Variants in FLACC1 observed in about 807,000 individuals in gnomAD.
FLACC1 encodes the protein flagellum-associated coiled-coil domain-containing protein 1.
In FLACC1, 66 loss-of-function variants were observed where a neutral mutation model predicts 62.8. That is an observed-to-expected ratio of 1.05 (90% CI 0.86 to 1.29). The LOEUF is 1.29. FLACC1 is among the 50% of genes most tolerant of loss of function. The pLI is 0.00. For missense variants in FLACC1, 452 were observed against 489.1 expected (o/e 0.92, Z 0.71); for synonymous variants, 156 against 161.0 (o/e 0.97, Z 0.24).
the FLACC1 span, among the ~76,000 whole-genome samples, chr2:201,363,934 G>A: frequency 6.6e-6 from 1 of 152,158 alleles, no homozygotes; most frequent in Non-Finnish European, 1.5e-5. Context: ...TGCCATCAGG[G>A]GACCTGTAGT....
At chr2:201,296,216 T>G (rs927553151) in intron 12 of FLACC1, among the ~76,000 whole-genome samples, 6 of 152,114 alleles carry the variant, frequency 3.9e-5, no homozygotes, top group African/African-American at 1.2e-4. Context: ...TGCACACGTA[T>G]GTTTATTGCG....
intron 10 of FLACC1, among the ~76,000 whole-genome samples, chr2:201,307,999 C>T (rs1184565354): frequency 6.6e-6 from 1 of 152,196 alleles, no homozygotes; most frequent in Admixed American, 6.5e-5. Context: ...AAAATTCATC[C>T]TGTACTTAGT....
At chr2:201,336,050 GT>G (rs1405798582) in intron 7 of FLACC1, among the ~76,000 whole-genome samples, 1 of 151,846 alleles carries the variant, frequency 6.6e-6, no homozygotes, top group African/African-American at 2.4e-5. Context: ...GTATATATTT[GT>G]TGCATAGGTA....
intron 12 of FLACC1, among the ~76,000 whole-genome samples, chr2:201,294,734 C>T (rs12616696): frequency 0.091 from 13,901 of 152,214 alleles, 975 homozygotes; most frequent in South Asian, 0.26. Context: ...GTCAAATTGT[C>T]CCTGTTTGCA....
intron 12 of FLACC1, among the ~76,000 whole-genome samples, chr2:201,297,779 A>G (rs867013533): frequency 1.3e-5 from 2 of 152,202 alleles, no homozygotes; most frequent in East Asian, 1.9e-4. Flanking sequence ...ATTTTCCCAA[A>G]TGATACTCTC....
At position 201,288,653 on chromosome 2, in the gene FLACC1, G is replaced by A. The variant is rs111462179; in HGVS notation, c.*2C>T. ...CTTCAACAATGCAGAGCAACTTTTT[G>A]TTTATGATTCTTGTCCTTTCTTGCT... On this transcript the variant is annotated 3_prime_UTR_variant, in exon 15 of 15. Coordinates refer to ENST00000392257, the MANE Select transcript of FLACC1 (RefSeq NM_001127391.3). 11,037 of 1,612,968 alleles carry A rather than the reference G, an allele frequency of 6.8e-3. 46 individuals are homozygous for A. Among genetic ancestry groups the A allele is most frequent in the Non-Finnish European group, 8.4e-3 (9,946 of 1,179,534 alleles).
chr2:201,292,550 G>A (rs997556876), intron 12 of FLACC1, among the ~76,000 whole-genome samples: 4 of 152,244 alleles, frequency 2.6e-5, no homozygotes, highest in South Asian at 2.1e-4. Context: ...AGGAACAACC[G>A]GTACCAGCCA....
rs1950958521 is a variant in FLACC1 at position 201,348,280 on chromosome 2, G to A, written c.208C>T (p.Gln70Ter). The stretch of plus-strand genomic sequence containing the variant: ...TAAAATGATTTATTAGTCTCTTCTT[G>A]CCTTGCTGAATGGATTTTCATTCTG... ...SPKMKIHSAR[Q>*]EETNKSFYEV... The change falls in exon 4 of 15, where the codon CAA becomes TAA. Residue 70 changes from glutamine (Q) to a stop codon, truncating the protein, a stop_gained. Transcript: ENST00000392257. LOFTEE classifies it high-confidence loss of function. 1.2e-6 allele frequency: 2 copies of A among 1,612,444 alleles called. No homozygotes were observed. The highest frequency in any genetic ancestry group is 2.7e-5 in the African/African-American group (2 of 74,834).
chr2:201,298,023 C>T (rs1949902196), intron 12 of FLACC1, among the ~76,000 whole-genome samples: 1 of 152,176 alleles, frequency 6.6e-6, no homozygotes, highest in Admixed American at 6.5e-5. Context: ...AGGCAAGTGC[C>T]TCTGGGGTGG....
rs1949703436 is a variant in FLACC1, at chr2:201,290,375, G to C, written c.943-590C>G. ...ATACTAATAATAAAGGAAACTAGTG[G>C]TGGGGTAGGGTGGGGTGGGGTAGTA... On this transcript the variant is annotated intron_variant, in intron 12 of 14. Coordinates refer to ENST00000392257, the MANE Select transcript of FLACC1 (RefSeq NM_001127391.3). Among the ~76,000 whole-genome samples the C allele has an allele frequency of 2.6e-5, 4 of 151,756 alleles. No individual in the cohort carries two copies. The South Asian group carries it at 8.3e-4, about 32-fold the overall frequency.
chr2:201,318,544 G>C (rs1222958102), intron 9 of FLACC1, among the ~76,000 whole-genome samples: 1 of 151,778 alleles, frequency 6.6e-6, no homozygotes, highest in Non-Finnish European at 1.5e-5. Flanking sequence ...ACCACAATGA[G>C]ATACCACCTT....
At chr2:201,352,360 G>A (rs1951043942) in intron 1 of FLACC1, among the ~76,000 whole-genome samples, 1 of 152,168 alleles carries the variant, frequency 6.6e-6, no homozygotes, top group African/African-American at 2.4e-5. Flanking sequence ...CCCCTATTAT[G>A]AGAATCTTGA....
intron 7 of FLACC1, among the ~76,000 whole-genome samples, chr2:201,331,767 A>G (rs1417967051): frequency 6.6e-6 from 1 of 152,234 alleles, no homozygotes; most frequent in Admixed American, 6.5e-5. Context: ...TTGTTATGAC[A>G]CTAGAATAGT....
At chr2:201,348,215 T>C (rs1462108065) in intron 4 of FLACC1, 39 bp downstream of exon 4, 4 of 1,597,138 alleles carry the variant, frequency 2.5e-6, no homozygotes, top group Middle Eastern at 1.7e-4. Context: ...AGGCACTCAA[T>C]AAATTTTAGT....
chr2:201,292,090 G>T (rs1054740683), intron 12 of FLACC1, among the ~76,000 whole-genome samples: 7 of 152,188 alleles, frequency 4.6e-5, no homozygotes, highest in Non-Finnish European at 1.0e-4. Flanking sequence ...GAACCAAGTT[G>T]GAAAACACTC....
intron 9 of FLACC1, among the ~76,000 whole-genome samples, chr2:201,323,065 G>T (rs1950434910): frequency 6.6e-6 from 1 of 151,984 alleles, no homozygotes; most frequent in African/African-American, 2.4e-5. Flanking sequence ...AAAAAGAAAT[G>T]AACAAAGTCT....
At chr2:201,303,916 G>T (rs950132465) in intron 11 of FLACC1, among the ~76,000 whole-genome samples, 12 of 152,180 alleles carry the variant, frequency 7.9e-5, no homozygotes, top group African/African-American at 2.9e-4. Context: ...ATTAGGTATT[G>T]ATGGGACGTA....
chr2:201,336,249 A>C lies in FLACC1; in HGVS notation c.525-5416T>G, dbSNP rs531273262. 2.6e-5 allele frequency among the ~76,000 whole-genome samples: 4 copies of C among 152,282 alleles called. No homozygotes were observed. In the South Asian group the frequency reaches 8.3e-4, roughly 32 times the overall value. On this transcript the variant is annotated intron_variant, in intron 7 of 14. Transcript: ENST00000392257. ...TGTTTAGCTCCCACTTATAAGTGAA[A>C]ATATGCAGTATTTGGTTTTCTGTTC...
chr2:201,314,583 A>C (rs1370429131), intron 9 of FLACC1, among the ~76,000 whole-genome samples: 4 of 152,242 alleles, frequency 2.6e-5, no homozygotes, highest in Non-Finnish European at 5.9e-5. Flanking sequence ...CCTGAGGAAG[A>C]AGAGAAATCT....
Sources: gnomAD v4.1 joint callset for allele counts (sites outside exome capture counted in the v4.1 genomes callset) on GRCh38, gnomAD v4.1.1 for gene constraint, MANE v1.5 for transcripts, NCBI Gene and HGNC (gene_info 2026-07-23, HGNC 2026-07-21) for gene names.